The following TRHDE variants were observed in gnomAD, a reference collection of about 807,000 sequenced individuals.
TRHDE encodes the protein thyrotropin releasing hormone degrading enzyme.
A neutral mutation model predicts 125.7 loss-of-function variants in TRHDE; 72 were observed. The ratio of observed to expected loss-of-function variants is 0.57; its 90% CI spans 0.47 to 0.70. TRHDE has a LOEUF of 0.70. TRHDE is among the 30% of genes least tolerant of loss of function. The pLI, the probability that TRHDE is intolerant of heterozygous loss-of-function variation, is 0.00. For synonymous variants in TRHDE, 509 were observed against 509.1 expected (o/e 1.00, Z 0.00); for missense variants, 1,110 against 1,327.1 (o/e 0.84, Z 2.54).
chr12:72,598,355 A>G (rs189717878), intron 12 of TRHDE, among the ~76,000 whole-genome samples: 52 of 152,316 alleles, frequency 3.4e-4, no homozygotes, highest in Admixed American at 1.4e-3. Context: ...TATCTTCTTT[A>G]TATTAAATGA....
chr12:72,572,669 C>A (rs1214900), intron 10 of TRHDE, among the ~76,000 whole-genome samples: 151,242 of 152,214 alleles, frequency 0.99, 75,143 homozygotes, highest in East Asian at 1. Context: ...TTTAGTAGTA[C>A]ATTTAATAAT....
chr12:72,194,972 G>A (rs565124169), intron 2 of TRHDE, among the ~76,000 whole-genome samples: 1 of 152,220 alleles, frequency 6.6e-6, no homozygotes, highest in South Asian at 2.1e-4. Context: ...AAGAAAAGAA[G>A]TTTAATTGGC....
chr12:72,484,226 A>T (rs1464393121), intron 5 of TRHDE, among the ~76,000 whole-genome samples: 1 of 152,172 alleles, frequency 6.6e-6, no homozygotes, highest in Non-Finnish European at 1.5e-5. Flanking sequence ...GTGCAAAATG[A>T]ATGGATAAGT....
chr12:72,187,285 G>A (rs1459067816), intron 2 of TRHDE, among the ~76,000 whole-genome samples: 3 of 149,620 alleles, frequency 2.0e-5, no homozygotes, highest in Admixed American at 6.6e-5. Flanking sequence ...GTCATGTAGT[G>A]TACTAGGGTT....
At chr12:72,538,919 T>G (rs1869002506) in intron 6 of TRHDE, among the ~76,000 whole-genome samples, 1 of 151,970 alleles carries the variant, frequency 6.6e-6, no homozygotes, top group Admixed American at 6.6e-5. Context: ...TTCAAAGTCC[T>G]CTAAAAACTG....
At chr12:72,159,773 A>T (rs573871209) in intron 2 of TRHDE, among the ~76,000 whole-genome samples, 1 of 152,086 alleles carries the variant, frequency 6.6e-6, no homozygotes, top group Middle Eastern at 3.4e-3. Flanking sequence ...TGTCCTCTAC[A>T]TTATGGATTT....
intron 1 of TRHDE, among the ~76,000 whole-genome samples, chr12:72,280,159 T>C (rs1214562724): frequency 1.3e-5 from 2 of 152,148 alleles, no homozygotes; most frequent in Admixed American, 1.3e-4. Flanking sequence ...CTCTGCCACT[T>C]ATTAGCTTTA....
chr12:72,313,774 C>T (rs753521581), intron 2 of TRHDE, among the ~76,000 whole-genome samples: 1 of 152,140 alleles, frequency 6.6e-6, no homozygotes, highest in Non-Finnish European at 1.5e-5. Flanking sequence ...ATAGTTGAGA[C>T]ACAGTAAATA....
chr12:72,311,908 C>T (rs1194692939), intron 2 of TRHDE, among the ~76,000 whole-genome samples: 2 of 136,282 alleles, frequency 1.5e-5, no homozygotes, highest in Non-Finnish European at 3.2e-5. Flanking sequence ...TCTTTTCTTA[C>T]TCTTCTTTTT....
At chr12:72,638,830 G>GC (rs1474475146) in intron 15 of TRHDE, among the ~76,000 whole-genome samples, 1 of 151,978 alleles carries the variant, frequency 6.6e-6, no homozygotes, top group Non-Finnish European at 1.5e-5. Context: ...TTGAATATTG[G>GC]CCCCCTCTCT....
intron 9 of TRHDE, among the ~76,000 whole-genome samples, chr12:72,563,547 C>CTTAT (rs2136012675): frequency 6.6e-6 from 1 of 152,266 alleles, no homozygotes; most frequent in Admixed American, 6.5e-5. Flanking sequence ...TTTTCTCTTT[C>CTTAT]TTATTTTTAG....
chr12:72,258,310 T>C (rs944231259), intron 2 of TRHDE: 2 of 152,092 alleles, frequency 1.3e-5, no homozygotes, highest in South Asian at 2.1e-4. Context: ...AAAATGTGAA[T>C]AGGCAAAGCT....
chr12:72,272,982 CG>C lies in TRHDE; in HGVS notation c.343del (p.Ala115ArgfsTer76). On this transcript the variant is annotated frameshift_variant, in exon 1 of 19. Transcript: ENST00000261180. LOFTEE classifies it high-confidence loss of function. The surrounding 1 kb of genome is among the most constrained non-coding windows in gnomAD (Gnocchi z 6.7). ...VLLSLRFDEC[G>X]ASATPGADGG... Reference sequence around the variant, plus strand: ...TGCTCAGCCTGCGCTTCGACGAGTGCGGGGCGAGTGCCACGCCAGGCGCCGA... The same window carrying C: ...TGCTCAGCCTGCGCTTCGACGAGTGCGGGCGAGTGCCACGCCAGGCGCCGA... The C allele has an allele frequency of 6.4e-7, 1 of 1,556,234 alleles. No individual in the cohort carries two copies. The highest frequency in any genetic ancestry group is 8.6e-7 in the Non-Finnish European group (1 of 1,157,500).
chr12:72,452,660 C>A (rs1342085299), intron 3 of TRHDE, among the ~76,000 whole-genome samples: 4 of 152,004 alleles, frequency 2.6e-5, no homozygotes, highest in African/African-American at 9.7e-5. Flanking sequence ...GAAGATGGGG[C>A]CTGATGGGAG....
intron 6 of TRHDE, among the ~76,000 whole-genome samples, chr12:72,526,307 C>A (rs1290179348): frequency 6.6e-6 from 1 of 152,086 alleles, no homozygotes; most frequent in African/African-American, 2.4e-5. Context: ...TTTCTTTACA[C>A]ATTTTTCAGA....
chr12:72,580,766 TG>T (rs1316735895), intron 12 of TRHDE, among the ~76,000 whole-genome samples: 5 of 152,272 alleles, frequency 3.3e-5, no homozygotes, highest in Admixed American at 1.3e-4. Context: ...TTTGTTTGTT[TG>T]TTTCGATAAA....
rs1028600158 is a variant in TRHDE at position 72,257,200 on chromosome 12, G to C, written n.280-120795G>C. On this transcript the variant is annotated intron_variant and non_coding_transcript_variant, in intron 2 of 4. Coordinates refer to the TRHDE transcript ENST00000548156. ...TCCTTAATCCAAAAATCTGAAATCC[G>C]ATGCTCCAAAATCCAAAACTATTTC... 2.6e-5 allele frequency: 4 copies of C among 152,084 alleles called. No individual in the cohort carries two copies. In the South Asian group the frequency reaches 8.3e-4, roughly 32 times the overall value. The allele number at this position is 152,084 out of a possible 1,614,324, so 9.4% of individuals were successfully genotyped here.
intron 6 of TRHDE, among the ~76,000 whole-genome samples, chr12:72,528,021 T>G (rs1457916305): frequency 6.6e-6 from 1 of 152,122 alleles, no homozygotes; most frequent in Non-Finnish European, 1.5e-5. Context: ...AACTAATATA[T>G]ATCGTTTTTT....
At chr12:72,199,543 A>G (rs1293257854) in intron 2 of TRHDE, among the ~76,000 whole-genome samples, 2 of 152,214 alleles carry the variant, frequency 1.3e-5, no homozygotes, top group African/African-American at 4.8e-5. Context: ...AGAATATGAT[A>G]TAGATTGGAG....
Sources: allele counts gnomAD v4.1 joint callset (sites outside exome capture counted in the v4.1 genomes callset), GRCh38; gene constraint gnomAD v4.1.1; non-coding constraint Gnocchi (gnomAD v3.1); transcripts MANE v1.5; gene names NCBI Gene and HGNC (gene_info 2026-07-23, HGNC 2026-07-21).